Variants in ATP9A observed in about 807,000 individuals in gnomAD.
ATP9A encodes ATPase phospholipid transporting 9A.
Under a neutral mutation model 144.1 loss-of-function variants are expected in ATP9A, and 52 were observed. The ratio of observed to expected loss-of-function variants is 0.36; its 90% CI spans 0.29 to 0.45. The LOEUF is 0.45. Among genes scored for constraint, ATP9A ranks in the 20% least tolerant of loss-of-function variants. The probability of loss-of-function intolerance (pLI) is 1.00; values close to 1 mark genes in which losing one functional copy is unlikely to be tolerated. For synonymous variants in ATP9A, 582 were observed against 557.4 expected (o/e 1.04, Z -0.62); for missense variants, 947 against 1,392.7 (o/e 0.68, Z 5.09).
chr20:51,702,787 G>C (rs1199154085), intron 4 of ATP9A, among the ~76,000 whole-genome samples: 3 of 152,114 alleles, frequency 2.0e-5, no homozygotes. Flanking sequence ...AAAAGGGGAA[G>C]AACAAGATAC....
At chr20:51,718,365 T>TG (rs991638326) in intron 3 of ATP9A, among the ~76,000 whole-genome samples, 1 of 141,754 alleles carries the variant, frequency 7.1e-6, no homozygotes, top group African/African-American at 2.5e-5. Flanking sequence ...CATCACCCTA[T>TG]GTGTGTGTGG....
chr20:51,612,590 A>G (rs2077188871), intron 23 of ATP9A, among the ~76,000 whole-genome samples: 1 of 152,012 alleles, frequency 6.6e-6, no homozygotes, highest in South Asian at 2.1e-4. Context: ...ATGTCCAGCT[A>G]ATTTTTGTAT....
intron 16 of ATP9A, among the ~76,000 whole-genome samples, chr20:51,628,427 C>T (rs773410845): frequency 6.6e-6 from 1 of 152,164 alleles, no homozygotes; most frequent in Non-Finnish European, 1.5e-5. Flanking sequence ...CCCTAACAAA[C>T]AGAATGGGCA....
intron 13 of ATP9A, among the ~76,000 whole-genome samples, chr20:51,661,953 G>A (rs2077412627): frequency 6.6e-6 from 1 of 152,142 alleles, no homozygotes; most frequent in Non-Finnish European, 1.5e-5. Context: ...GGATGATTTT[G>A]ACCCTCATTT....
intron 9 of ATP9A, among the ~76,000 whole-genome samples, chr20:51,681,289 A>G (rs947821881): frequency 2.6e-5 from 4 of 152,340 alleles, no homozygotes; most frequent in African/African-American, 9.6e-5. Flanking sequence ...ACTAAGACTG[A>G]CAAGCCCTTC....
intron 1 of ATP9A, among the ~76,000 whole-genome samples, chr20:51,761,981 C>T (rs1449832883): frequency 1.3e-5 from 2 of 152,110 alleles, no homozygotes; most frequent in African/African-American, 4.8e-5. Context: ...CTTCTTCCCT[C>T]TTCAAGCCAG....
At chr20:51,635,042 A>G (rs902939077) in intron 15 of ATP9A, among the ~76,000 whole-genome samples, 8 of 151,630 alleles carry the variant, frequency 5.3e-5, no homozygotes, top group Non-Finnish European at 8.8e-5. Flanking sequence ...CCTGGAGTGG[A>G]GCTGGGCCTA....
intron 7 of ATP9A, among the ~76,000 whole-genome samples, chr20:51,691,700 T>C (rs973369570): frequency 1.3e-5 from 2 of 152,196 alleles, no homozygotes; most frequent in Non-Finnish European, 2.9e-5. Flanking sequence ...CTCAAAAAAT[T>C]AATCAGAAAA....
Position 51,639,352 on chromosome 20 carries a change from G to A in ATP9A, c.1659C>T (p.Ile553=), listed in dbSNP as rs1226899030. The A allele has an allele frequency of 5.0e-6, 8 of 1,612,738 alleles. No homozygotes were observed. In the Admixed American group the frequency reaches 8.4e-5, roughly 17 times the overall value. The change falls in exon 15 of 28, where the codon ATC becomes ATT. Residue 553 remains isoleucine, a synonymous_variant. Coordinates refer to ENST00000338821, the MANE Select transcript of ATP9A (RefSeq NM_006045.3). ...AATAAAAACGACTCACCCGCACGAT[G>A]ATGCCCATACGTTTGCTTTCATAGG... is the stretch of plus-strand genomic sequence containing the variant. ...PFTYESKRMG[I]IVRDESTGEI... is the part of the protein sequence containing the mutation.
intron 9 of ATP9A, among the ~76,000 whole-genome samples, chr20:51,688,730 G>C (rs4809863): frequency 1.3e-5 from 2 of 151,904 alleles, no homozygotes; most frequent in African/African-American, 2.4e-5. Context: ...GTCCCAGCGC[G>C]ACATACCCTA....
rs779091099 is a variant in ATP9A at position 51,639,382 on chromosome 20, A to G, written c.1629T>C (p.Pro543=). Residue 543 remains proline, a synonymous_variant, in exon 15 of 28, where the codon CCT becomes CCC. Coordinates refer to ENST00000338821, the MANE Select transcript of ATP9A (RefSeq NM_006045.3). ...ILNFTILQIF[P]FTYESKRMGI... Reference sequence around the variant, plus strand: ...CCATACGTTTGCTTTCATAGGTGAAAGGGAAGATCTGTAGGATGGTGAAGT... The same window carrying G: ...CCATACGTTTGCTTTCATAGGTGAAGGGGAAGATCTGTAGGATGGTGAAGT... 1 of 1,613,818 alleles carries G rather than the reference A, an allele frequency of 6.2e-7. No homozygotes were observed. The highest frequency in any genetic ancestry group is 1.7e-5 in the Admixed American group (1 of 59,958).
intron 3 of ATP9A, among the ~76,000 whole-genome samples, chr20:51,723,346 A>T (rs1365117888): frequency 3.9e-5 from 6 of 152,010 alleles, no homozygotes; most frequent in African/African-American, 1.4e-4. Context: ...ACAAATCACC[A>T]CTAAAGAACT....
intron 1 of ATP9A, among the ~76,000 whole-genome samples, chr20:51,765,427 G>A (rs536289204): frequency 6.6e-6 from 1 of 152,094 alleles, no homozygotes; most frequent in South Asian, 2.1e-4. Context: ...GGCCAAGGTG[G>A]GTGGATCACC....
At chr20:51,649,520 T>C (rs2077355100) in intron 14 of ATP9A, among the ~76,000 whole-genome samples, 1 of 152,216 alleles carries the variant, frequency 6.6e-6, no homozygotes, top group Admixed American at 6.5e-5. Context: ...ACCACTGTTA[T>C]CACCATTACT....
intron 24 of ATP9A, among the ~76,000 whole-genome samples, chr20:51,608,957 G>T (rs1016124363): frequency 2.0e-5 from 3 of 151,642 alleles, no homozygotes; most frequent in Admixed American, 6.6e-5. Flanking sequence ...GTGTGTGTAG[G>T]GGGTGATGGT....
chr20:51,767,963 C>A (rs1379241917), intron 1 of ATP9A, among the ~76,000 whole-genome samples: 1 of 152,202 alleles, frequency 6.6e-6, no homozygotes. Flanking sequence ...ATATTAATTA[C>A]GGAACAATAA....
chr20:51,664,451 G>A (rs930530136), intron 13 of ATP9A, among the ~76,000 whole-genome samples: 2 of 151,990 alleles, frequency 1.3e-5, no homozygotes, highest in African/African-American at 4.8e-5. Flanking sequence ...AGCCAGGTAT[G>A]GTGACGCATG....
intron 27 of ATP9A, among the ~76,000 whole-genome samples, chr20:51,602,013 C>T (rs1478267890): frequency 6.6e-6 from 1 of 152,194 alleles, no homozygotes; most frequent in Non-Finnish European, 1.5e-5. Context: ...TAAGTCCCGG[C>T]CACTGGCGAG....
chr20:51,692,103 T>C (rs953927236), intron 7 of ATP9A, among the ~76,000 whole-genome samples: 1 of 152,156 alleles, frequency 6.6e-6, no homozygotes, highest in Non-Finnish European at 1.5e-5. Context: ...AAGGGGGGAA[T>C]GTAGTTACTG....
Sources: allele counts gnomAD v4.1 joint callset (sites outside exome capture counted in the v4.1 genomes callset), GRCh38; gene constraint gnomAD v4.1.1; transcripts MANE v1.5; gene names NCBI Gene and HGNC (gene_info 2026-07-23, HGNC 2026-07-21).